The following CDH13 variants were observed in gnomAD, a reference collection of about 807,000 sequenced individuals.
CDH13 encodes cadherin-13.
In CDH13, 24 loss-of-function variants were observed where a neutral mutation model predicts 63.8. The observed-to-expected ratio is 0.38, with a 90% confidence interval of 0.27 to 0.53. The LOEUF (loss-of-function observed/expected upper bound fraction) is 0.53, where lower values mean the gene tolerates loss of function less well. Among genes scored for constraint, CDH13 ranks in the 20% least tolerant of loss-of-function variants. The pLI, the probability that CDH13 is intolerant of heterozygous loss-of-function variation, is 0.85. For synonymous variants in CDH13, 503 were observed against 355.3 expected (o/e 1.42, Z -4.67); for missense variants, 1,049 against 903.1 (o/e 1.16, Z -2.07).
chr16:83,787,351 C>T (rs1233298476), intron 13 of CDH13, among the ~76,000 whole-genome samples: 2 of 152,122 alleles, frequency 1.3e-5, no homozygotes, highest in Admixed American at 6.6e-5. Context: ...CCTTTAAAAA[C>T]GTGAAAACCC....
At position 83,249,688 on chromosome 16, in the gene CDH13, A is replaced by G. The variant is rs78012391; in HGVS notation, c.636+32191A>G. The stretch of plus-strand genomic sequence containing the variant: ...AACCTGGCTGGGGGTATTTTTCCCC[A>G]TATTAGGGATATGTCTGTCTCCAAT... On this transcript the variant is annotated intron_variant, in intron 5 of 13. Coordinates refer to ENST00000567109, the MANE Select transcript of CDH13 (RefSeq NM_001257.5). Among the ~76,000 whole-genome samples the G allele has an allele frequency of 4.7e-3, 723 of 152,294 alleles. 4 individuals are homozygous for G. The highest frequency in any genetic ancestry group is 0.015 in the African/African-American group (632 of 41,566).
intron 7 of CDH13, among the ~76,000 whole-genome samples, chr16:83,509,388 TAGTA>T (rs1310683445): frequency 2.0e-5 from 3 of 152,210 alleles, no homozygotes; most frequent in Non-Finnish European, 4.4e-5. Context: ...AAGGGCCAGA[TAGTA>T]AGTATTTTAG....
intron 10 of CDH13, among the ~76,000 whole-genome samples, chr16:83,691,677 C>T (rs532656782): frequency 6.6e-6 from 1 of 152,076 alleles, no homozygotes; most frequent in Non-Finnish European, 1.5e-5. Context: ...ATCAGCATAT[C>T]CTGAGTCTAT....
At chr16:83,339,984 A>G (rs1057097223) in intron 5 of CDH13, among the ~76,000 whole-genome samples, 10 of 152,166 alleles carry the variant, frequency 6.6e-5, no homozygotes, top group Admixed American at 2.6e-4. Context: ...GGGTCCAAAA[A>G]TCACACCAAG....
intron 5 of CDH13, among the ~76,000 whole-genome samples, chr16:83,309,654 C>T (rs577704006): frequency 2.1e-4 from 32 of 152,338 alleles, no homozygotes; most frequent in African/African-American, 6.7e-4. Flanking sequence ...GGATTACAGG[C>T]GTGAGCCGCC....
intron 2 of CDH13, among the ~76,000 whole-genome samples, chr16:82,885,590 T>A (rs2040860850): frequency 6.6e-6 from 1 of 152,104 alleles, no homozygotes; most frequent in African/African-American, 2.4e-5. Context: ...CTACCTTCTA[T>A]CCATCTGTCC....
chr16:82,813,021 A>G (rs1198963581), intron 1 of CDH13, among the ~76,000 whole-genome samples: 1 of 152,150 alleles, frequency 6.6e-6, no homozygotes, highest in Non-Finnish European at 1.5e-5. Context: ...TGAATCAATG[A>G]AAAACTGAGT....
intron 2 of CDH13, among the ~76,000 whole-genome samples, chr16:82,982,456 G>C (rs1400344233): frequency 1.3e-5 from 2 of 152,178 alleles, no homozygotes; most frequent in South Asian, 2.1e-4. Context: ...AGTGTCGGCA[G>C]AGCCATAGCG....
intron 2 of CDH13, among the ~76,000 whole-genome samples, chr16:82,945,734 T>C (rs973341017): frequency 7.2e-5 from 11 of 152,308 alleles, no homozygotes; most frequent in African/African-American, 2.6e-4. Context: ...TTGCTGAATA[T>C]TTAAAGGGTA....
At chr16:82,914,143 A>T (rs2041915906) in intron 2 of CDH13, among the ~76,000 whole-genome samples, 1 of 152,138 alleles carries the variant, frequency 6.6e-6, no homozygotes, top group Admixed American at 6.5e-5. Context: ...GCGATCTGAC[A>T]AGGTCCTGCT....
intron 11 of CDH13, among the ~76,000 whole-genome samples, chr16:83,766,214 G>C (rs1224314647): frequency 1.3e-5 from 2 of 152,154 alleles, no homozygotes; most frequent in Non-Finnish European, 2.9e-5. Context: ...CCAAGGGTTA[G>C]ATTAGGAAGG....
intron 5 of CDH13, among the ~76,000 whole-genome samples, chr16:83,279,067 T>A (rs1201234783): frequency 6.6e-6 from 1 of 152,238 alleles, no homozygotes; most frequent in African/African-American, 2.4e-5. Flanking sequence ...TCAACTACTT[T>A]TGTGCAGGTT....
chr16:83,570,733 TTC>T (rs1457773864), intron 7 of CDH13, among the ~76,000 whole-genome samples: 18 of 144,732 alleles, frequency 1.2e-4, no homozygotes, highest in African/African-American at 4.3e-4. Flanking sequence ...ATTATATATT[TTC>T]TATATATTTT....
intron 2 of CDH13, among the ~76,000 whole-genome samples, chr16:82,874,760 TGGA>T (rs1339037854): frequency 6.6e-6 from 1 of 152,090 alleles, no homozygotes; most frequent in Non-Finnish European, 1.5e-5. Context: ...CATTTTTCCA[TGGA>T]AGGAAGTCTG....
At chr16:83,616,717 G>A (rs773324226) in intron 8 of CDH13, among the ~76,000 whole-genome samples, 4 of 152,136 alleles carry the variant, frequency 2.6e-5, no homozygotes, top group South Asian at 2.1e-4. Flanking sequence ...AGCATAAATG[G>A]AGCCTGTTGG....
intron 9 of CDH13, among the ~76,000 whole-genome samples, chr16:83,672,551 A>G (rs1366727488): frequency 6.8e-6 from 1 of 147,964 alleles, no homozygotes; most frequent in Non-Finnish European, 1.5e-5. Flanking sequence ...CAGTCTCCCG[A>G]GTAGCTGGGA....
intron 5 of CDH13, among the ~76,000 whole-genome samples, chr16:83,270,058 G>A (rs1373730252): frequency 6.6e-6 from 1 of 152,076 alleles, no homozygotes; most frequent in African/African-American, 2.4e-5. Context: ...AATGTAACTG[G>A]TTTCTCTTTG....
intron 2 of CDH13, among the ~76,000 whole-genome samples, chr16:82,913,814 G>A (rs1286847138): frequency 6.6e-6 from 1 of 152,052 alleles, no homozygotes; most frequent in Admixed American, 6.5e-5. Flanking sequence ...GAGACAGGGA[G>A]GGGAAGCCAC....
intron 5 of CDH13, among the ~76,000 whole-genome samples, chr16:83,238,771 C>T (rs1037178246): frequency 1.8e-4 from 27 of 151,704 alleles, no homozygotes; most frequent in African/African-American, 6.1e-4. Flanking sequence ...TTTGTTTTAG[C>T]GTTGAACACT....
Sources: gnomAD v4.1 joint callset for allele counts (sites outside exome capture counted in the v4.1 genomes callset) on GRCh38, gnomAD v4.1.1 for gene constraint, MANE v1.5 for transcripts, NCBI Gene and HGNC (gene_info 2026-07-23, HGNC 2026-07-21) for gene names.